Variants in ROBO2 observed in about 807,000 individuals in gnomAD.
ROBO2 encodes roundabout guidance receptor 2.
A neutral mutation model predicts 160.8 loss-of-function variants in ROBO2; 53 were observed. The observed-to-expected ratio is 0.33, with a 90% confidence interval of 0.26 to 0.41. The LOEUF is 0.41. ROBO2 is among the 10% of genes least tolerant of loss of function. The pLI is 1.00. For synonymous variants in ROBO2, 664 were observed against 611.7 expected, an observed-to-expected ratio of 1.09 and a Z score of -1.26; for missense variants, 1,577 against 1,722.4, an observed-to-expected ratio of 0.92 and a Z score of 1.49.
intron 2 of ROBO2, among the ~76,000 whole-genome samples, chr3:76,341,700 A>G (rs2074239432): frequency 6.6e-6 from 1 of 152,122 alleles, no homozygotes. Flanking sequence ...TGACATACCT[A>G]ACCAAAAAGG....
At chr3:77,013,643 T>C (rs2062049948) in intron 2 of ROBO2, among the ~76,000 whole-genome samples, 1 of 150,374 alleles carries the variant, frequency 6.7e-6, no homozygotes, top group Non-Finnish European at 1.5e-5. Flanking sequence ...ATATCCCCAG[T>C]AAGAATTGCC....
intron 2 of ROBO2, among the ~76,000 whole-genome samples, chr3:76,105,146 A>C (rs1048932761): frequency 6.6e-6 from 1 of 151,974 alleles, no homozygotes; most frequent in African/African-American, 2.4e-5. Flanking sequence ...ATTTCATGGT[A>C]CCAAACAATG....
intron 2 of ROBO2, among the ~76,000 whole-genome samples, chr3:76,063,394 G>C (rs1003130501): frequency 6.7e-6 from 1 of 148,688 alleles, no homozygotes; most frequent in Non-Finnish European, 1.5e-5. Flanking sequence ...CCAGGCTAGA[G>C]TGCAGTGGTG....
At chr3:77,496,804 A>G (rs1418865716) in intron 5 of ROBO2, among the ~76,000 whole-genome samples, 1 of 152,164 alleles carries the variant, frequency 6.6e-6, no homozygotes, top group Non-Finnish European at 1.5e-5. Flanking sequence ...ACAGAAGAAG[A>G]TATCTGTGCC....
chr3:77,388,417 A>AAAACAAAC (rs760451280), intron 2 of ROBO2, among the ~76,000 whole-genome samples: 1 of 152,102 alleles, frequency 6.6e-6, no homozygotes, highest in African/African-American at 2.4e-5. Context: ...CTTGTCTCTA[A>AAAACAAAC]AAACAAACAA....
chr3:77,485,654 C>G (rs551996496), intron 4 of ROBO2, among the ~76,000 whole-genome samples: 3 of 152,014 alleles, frequency 2.0e-5, no homozygotes, highest in Non-Finnish European at 4.4e-5. Flanking sequence ...AGATTTTAAA[C>G]CTCCTTGGTT....
chr3:77,129,510 C>T (rs1439107766), intron 2 of ROBO2, among the ~76,000 whole-genome samples: 5 of 152,154 alleles, frequency 3.3e-5, no homozygotes, highest in South Asian at 2.1e-4. Context: ...GTTGTGGAAG[C>T]GTTTTTCCCT....
intron 2 of ROBO2, among the ~76,000 whole-genome samples, chr3:76,101,080 C>T (rs1161493667): frequency 1.3e-5 from 2 of 151,374 alleles, no homozygotes; most frequent in African/African-American, 2.4e-5. Flanking sequence ...ATAAAAGAAC[C>T]AAGAGGCAAG....
intron 2 of ROBO2, among the ~76,000 whole-genome samples, chr3:75,944,498 A>G (rs1948194973): frequency 6.6e-6 from 1 of 151,978 alleles, no homozygotes; most frequent in Admixed American, 6.6e-5. Flanking sequence ...AAAGTTGCCA[A>G]CTGAGATTCC....
At chr3:76,678,920 ATTACTTAT>A (rs2092483070) in intron 2 of ROBO2, among the ~76,000 whole-genome samples, 1 of 152,172 alleles carries the variant, frequency 6.6e-6, no homozygotes, top group African/African-American at 2.4e-5. Context: ...GGATGTCCTC[ATTACTTAT>A]TTACTTATAG....
intron 2 of ROBO2, among the ~76,000 whole-genome samples, chr3:76,133,102 T>A (rs2071291776): frequency 6.6e-6 from 1 of 152,134 alleles, no homozygotes; most frequent in South Asian, 2.1e-4. Context: ...CTTCAGTGTT[T>A]GTAAAATAAA....
chr3:77,223,717 T>C (rs1325055173), intron 2 of ROBO2, among the ~76,000 whole-genome samples: 1 of 152,096 alleles, frequency 6.6e-6, no homozygotes, highest in East Asian at 1.9e-4. Context: ...AAATCACTTT[T>C]GAAATCTGTG....
chr3:76,503,294 C>T (rs567262113), intron 2 of ROBO2, among the ~76,000 whole-genome samples: 3 of 152,194 alleles, frequency 2.0e-5, no homozygotes, highest in South Asian at 2.1e-4. Flanking sequence ...ACCAGAATAA[C>T]GGTGGATCTG....
At chr3:77,074,595 T>C (rs2149864788) in intron 1 of ROBO2, among the ~76,000 whole-genome samples, 1 of 152,316 alleles carries the variant, frequency 6.6e-6, no homozygotes, top group East Asian at 1.9e-4. Flanking sequence ...GAAAAAGTTA[T>C]GTCCTGGGTG....
intron 2 of ROBO2, among the ~76,000 whole-genome samples, chr3:76,443,816 T>C (rs1166216138): frequency 6.6e-6 from 1 of 152,172 alleles, no homozygotes; most frequent in Non-Finnish European, 1.5e-5. Context: ...AGATATTTCT[T>C]GTTGAGTAGA....
At chr3:77,496,848 T>G (rs1385861825) in intron 5 of ROBO2, among the ~76,000 whole-genome samples, 1 of 152,006 alleles carries the variant, frequency 6.6e-6, no homozygotes, top group East Asian at 1.9e-4. Context: ...GTTAAGGGAG[T>G]ATTTTTTCCC....
intron 16 of ROBO2, among the ~76,000 whole-genome samples, chr3:77,583,537 T>G (rs745956636): frequency 2.6e-5 from 4 of 152,052 alleles, no homozygotes; most frequent in Admixed American, 6.6e-5. Context: ...ACTTTTCATT[T>G]CCCTCTGATG....
chr3:76,037,182 A>C (rs923540056), intron 2 of ROBO2, among the ~76,000 whole-genome samples: 1 of 152,048 alleles, frequency 6.6e-6, no homozygotes, highest in East Asian at 1.9e-4. Flanking sequence ...ATCCTGATAC[A>C]TATTCCTATG....
intron 2 of ROBO2, among the ~76,000 whole-genome samples, chr3:76,676,428 T>C (rs940530736): frequency 1.3e-5 from 2 of 152,190 alleles, no homozygotes; most frequent in Non-Finnish European, 2.9e-5. Context: ...ACCTCTTTCC[T>C]TTATAACTGC....
Sources: allele counts gnomAD v4.1 joint callset (sites outside exome capture counted in the v4.1 genomes callset), GRCh38; gene constraint gnomAD v4.1.1; transcripts MANE v1.5; gene names NCBI Gene and HGNC (gene_info 2026-07-23, HGNC 2026-07-21).